The following SH3RF1 variants were observed in gnomAD, a reference collection of about 807,000 sequenced individuals.
SH3RF1 encodes E3 ubiquitin-protein ligase SH3RF1.
Under a neutral mutation model 74.0 loss-of-function variants are expected in SH3RF1, and 32 were observed. The observed-to-expected ratio is 0.43, with a 90% CI of 0.33 to 0.58. The LOEUF (loss-of-function observed/expected upper bound fraction) is 0.58. Ranked by LOEUF, SH3RF1 falls within the 20% of genes least tolerant of loss-of-function variation. The pLI, the probability that SH3RF1 is intolerant of heterozygous loss-of-function variation, is 0.05. For missense variants in SH3RF1, 954 were observed against 1,130.9 expected (o/e 0.84, Z 2.24); for synonymous variants, 396 against 439.6 (o/e 0.90, Z 1.24).
chr4:169,159,401 A>G (rs757829952), intron 2 of SH3RF1, among the ~76,000 whole-genome samples: 7 of 152,186 alleles, frequency 4.6e-5, no homozygotes, highest in Non-Finnish European at 1.0e-4. Context: ...GAGAGAGAGA[A>G]AGAGAGAGAA....
At chr4:169,254,096 G>C (rs1393098143) in intron 2 of SH3RF1, among the ~76,000 whole-genome samples, 1 of 152,192 alleles carries the variant, frequency 6.6e-6, no homozygotes, top group Admixed American at 6.5e-5. Context: ...TAAATAGTGG[G>C]AAGATGAATG....
chr4:169,231,025 C>A (rs139758058), intron 2 of SH3RF1, among the ~76,000 whole-genome samples: 3 of 152,058 alleles, frequency 2.0e-5, no homozygotes, highest in African/African-American at 7.2e-5. Flanking sequence ...AAAAGGCCAC[C>A]GGTGCTAGGG....
intron 2 of SH3RF1, among the ~76,000 whole-genome samples, chr4:169,230,678 G>A (rs1730722718): frequency 6.6e-6 from 1 of 151,990 alleles, no homozygotes; most frequent in African/African-American, 2.4e-5. Context: ...GGCCAACATG[G>A]TGAAACTCCA....
chr4:169,142,070 G>A (rs578085364), intron 4 of SH3RF1, among the ~76,000 whole-genome samples: 112 of 151,886 alleles, frequency 7.4e-4, no homozygotes, highest in Non-Finnish European at 3.5e-4. Context: ...CACCTGCCTC[G>A]GCCTCCCAAA....
intron 2 of SH3RF1, among the ~76,000 whole-genome samples, chr4:169,222,523 A>G (rs1730584138): frequency 6.7e-6 from 1 of 149,272 alleles, no homozygotes; most frequent in African/African-American, 2.4e-5. Context: ...ATATATATAT[A>G]TAAATCATTA....
At chr4:169,268,191 G>A (rs1579172546) in intron 2 of SH3RF1, among the ~76,000 whole-genome samples, 1 of 152,182 alleles carries the variant, frequency 6.6e-6, no homozygotes, top group Middle Eastern at 3.4e-3. Context: ...CATTTCGATG[G>A]AAATACTTCA....
intron 7 of SH3RF1, among the ~76,000 whole-genome samples, chr4:169,121,516 A>G (rs1436835237): frequency 6.6e-6 from 1 of 152,214 alleles, no homozygotes; most frequent in East Asian, 1.9e-4. Context: ...AAGGGAGAAC[A>G]AAGTCCAGAT....
At chr4:169,155,359 T>C (rs1482236844) in intron 4 of SH3RF1, 121 bp downstream of exon 4, 3 of 689,058 alleles carry the variant, frequency 4.4e-6, no homozygotes, top group Non-Finnish European at 7.6e-6. Context: ...TCCAGTGATC[T>C]GTAACAGGGC....
intron 6 of SH3RF1, among the ~76,000 whole-genome samples, chr4:169,128,588 A>T (rs1480029260): frequency 6.6e-6 from 1 of 152,242 alleles, no homozygotes; most frequent in African/African-American, 2.4e-5. Context: ...CTTGTTTCTA[A>T]ATCAGTTTTC....
At chr4:169,138,130 G>A (rs905480798) in intron 4 of SH3RF1, among the ~76,000 whole-genome samples, 1 of 152,152 alleles carries the variant, frequency 6.6e-6, no homozygotes, top group African/African-American at 2.4e-5. Context: ...GCATTTTCAA[G>A]GCAATTGGCC....
intron 2 of SH3RF1, among the ~76,000 whole-genome samples, chr4:169,176,969 T>C (rs372094474): frequency 6.6e-6 from 1 of 152,214 alleles, no homozygotes; most frequent in Non-Finnish European, 1.5e-5. Context: ...GGTTTCGCTA[T>C]GTTGCCCGGG....
At position 169,184,540 on chromosome 4, in the gene SH3RF1, C is replaced by T. The variant is rs576561737; in HGVS notation, c.394-27861G>A. ...TCCTTTCCTTTTGAGCCAAATTTAA[C>T]AATGTAATAGTATTCTGAAGAGAGC... On this transcript the variant is annotated intron_variant, in intron 2 of 11. Coordinates refer to ENST00000284637, the MANE Select transcript of SH3RF1 (RefSeq NM_020870.4). Among the ~76,000 whole-genome samples the T allele has an allele frequency of 2.6e-4, 39 of 152,230 alleles. No homozygotes were observed. The South Asian group carries it at 7.5e-3, about 29-fold the overall frequency.
At chr4:169,198,820 A>T (rs1324160371) in intron 2 of SH3RF1, among the ~76,000 whole-genome samples, 1 of 152,210 alleles carries the variant, frequency 6.6e-6, no homozygotes, top group African/African-American at 2.4e-5. Context: ...TTCAACGGAA[A>T]CAATAGAGGC....
At chr4:169,129,497 G>T (rs1733578267) in intron 6 of SH3RF1, among the ~76,000 whole-genome samples, 1 of 152,146 alleles carries the variant, frequency 6.6e-6, no homozygotes, top group African/African-American at 2.4e-5. Context: ...TCTATCTGTA[G>T]GATGTCATGT....
At chr4:169,166,670 A>G (rs974004558) in intron 2 of SH3RF1, 27 of 202,358 alleles carry the variant, frequency 1.3e-4, no homozygotes, top group African/African-American at 5.4e-4. Context: ...ACCTTCAGTC[A>G]GCATGTGACA....
Position 169,268,910 on chromosome 4 carries a change from G to A in SH3RF1, c.303C>T (p.Ser101=). 6.2e-7 allele frequency: 1 copy of A among 1,613,896 alleles called. No homozygotes were observed. Among genetic ancestry groups the A allele is most frequent in the Non-Finnish European group, 8.5e-7 (1 of 1,180,034 alleles). The change falls in exon 2 of 12, where the codon AGC becomes AGT. Residue 101 remains serine (S), a synonymous_variant. Transcript: ENST00000284637. Reference sequence around the variant, plus strand: ...TTGAGCTACAATTAGCCACAGTGCTGCTCTGAGACCTTAATGCATTTGTGC... The same window carrying A: ...TTGAGCTACAATTAGCCACAGTGCTACTCTGAGACCTTAATGCATTTGTGC... ...TNCTNALRSQ[S]STVANCSSKD...
chr4:169,248,273 T>C (rs1415740691), intron 2 of SH3RF1, among the ~76,000 whole-genome samples: 1 of 151,950 alleles, frequency 6.6e-6, no homozygotes, highest in Non-Finnish European at 1.5e-5. Context: ...ATAAAGAAAA[T>C]GTGGCACATA....
intron 2 of SH3RF1, among the ~76,000 whole-genome samples, chr4:169,266,785 G>C (rs1731363625): frequency 6.6e-6 from 1 of 152,068 alleles, no homozygotes; most frequent in African/African-American, 2.4e-5. Flanking sequence ...ACAGTACCTG[G>C]CTCGAAAAAC....
At chr4:169,193,978 T>C (rs968962646) in intron 2 of SH3RF1, among the ~76,000 whole-genome samples, 1 of 152,164 alleles carries the variant, frequency 6.6e-6, no homozygotes, top group Non-Finnish European at 1.5e-5. Context: ...ATCTCAAGGA[T>C]AGAGTCTTTT....
Sources: gnomAD v4.1 joint callset for allele counts (sites outside exome capture counted in the v4.1 genomes callset) on GRCh38, gnomAD v4.1.1 for gene constraint, MANE v1.5 for transcripts, NCBI Gene and HGNC (gene_info 2026-07-23, HGNC 2026-07-21) for gene names.